The following SGK3 variants were observed in gnomAD, a reference collection of about 807,000 sequenced individuals.
SGK3 encodes the protein serine/threonine-protein kinase Sgk3.
In SGK3, 47 loss-of-function variants were observed where a neutral mutation model predicts 68.5. The ratio of observed to expected loss-of-function variants is 0.69; its 90% confidence interval spans 0.54 to 0.87. SGK3 has a LOEUF of 0.87. Among genes scored for constraint, SGK3 ranks in the 40% least tolerant of loss-of-function variants. The pLI is 0.00. For missense variants in SGK3, 479 were observed against 575.5 expected (o/e 0.83, Z 1.72); for synonymous variants, 181 against 189.1 (o/e 0.96, Z 0.35).
intron 1 of SGK3, among the ~76,000 whole-genome samples, chr8:66,773,174 C>T (rs1371871602): frequency 6.6e-6 from 1 of 152,114 alleles, no homozygotes; most frequent in Non-Finnish European, 1.5e-5. Flanking sequence ...GTCTGTCCAA[C>T]AGATGAGTAC....
chr8:66,750,922 G>T (rs186871031), intron 1 of SGK3, among the ~76,000 whole-genome samples: 1 of 149,000 alleles, frequency 6.7e-6, no homozygotes, highest in African/African-American at 2.5e-5. Context: ...TGGGAGGATT[G>T]CTTGAGCCCA....
At chr8:66,768,031 G>T (rs545639465) in intron 1 of SGK3, 11 of 683,908 alleles carry the variant, frequency 1.6e-5, no homozygotes, top group South Asian at 1.5e-4. Flanking sequence ...CTCTCAACCA[G>T]ATTTAAGTAT....
intron 1 of SGK3, among the ~76,000 whole-genome samples, chr8:66,769,292 C>T (rs1806424998): frequency 6.6e-6 from 1 of 152,142 alleles, no homozygotes; most frequent in South Asian, 2.1e-4. Context: ...GGCACAATCT[C>T]AGCTCACTGA....
chr8:66,854,593 C>G (rs1008624477), intron 16 of SGK3, among the ~76,000 whole-genome samples: 8 of 152,038 alleles, frequency 5.3e-5, no homozygotes, highest in African/African-American at 7.2e-5. Context: ...CAATGAATCA[C>G]TCTTATTAAT....
intron 4 of SGK3, among the ~76,000 whole-genome samples, chr8:66,813,041 C>T (rs968581538): frequency 2.0e-5 from 3 of 152,076 alleles, no homozygotes; most frequent in Non-Finnish European, 2.9e-5. Flanking sequence ...ATTGCTTGAG[C>T]CCAGGAGTTC....
chr8:66,820,999 C>T (rs1391913596), intron 5 of SGK3, among the ~76,000 whole-genome samples: 1 of 152,174 alleles, frequency 6.6e-6, no homozygotes, highest in Non-Finnish European at 1.5e-5. Flanking sequence ...AGCCACCACT[C>T]CTGGCTAAGG....
chr8:66,828,604 A>G, intron 6 of SGK3, 50 bp from the exon 7 acceptor site: 1 of 1,608,706 alleles, frequency 6.2e-7, no homozygotes, highest in Non-Finnish European at 8.5e-7. Flanking sequence ...ACATTAATTA[A>G]TTTTTGAAGC....
At chr8:66,825,861 A>G (rs1197117583) in intron 6 of SGK3, among the ~76,000 whole-genome samples, 1 of 152,220 alleles carries the variant, frequency 6.6e-6, no homozygotes, top group African/African-American at 2.4e-5. Context: ...TCATTTCAGA[A>G]ATGTGCTCCA....
In SGK3 at chr8:66,822,463, G is replaced by A; in HGVS notation, c.417+4G>A. On this transcript the variant is annotated splice_donor_region_variant and intron_variant, in intron 6 of 16. Coordinates refer to ENST00000521198, the MANE Select transcript of SGK3 (RefSeq NM_001033578.3). Reference sequence around the variant, plus strand: ...GGATGAAAGAAGTTCTCAGAAGGTAGTAAGAGGAATTGCCTTTCTTAATAG... The same window carrying A: ...GGATGAAAGAAGTTCTCAGAAGGTAATAAGAGGAATTGCCTTTCTTAATAG... 7 of 1,610,264 alleles carry A rather than the reference G, an allele frequency of 4.3e-6. No individual in the cohort carries two copies. Among genetic ancestry groups the A allele is most frequent in the Non-Finnish European group, 5.9e-6 (7 of 1,178,262 alleles).
chr8:66,798,577 ATG>A lies in SGK3; in HGVS notation c.133_134del (p.Trp45ValfsTer10), dbSNP rs761489864. On this transcript the variant is annotated frameshift_variant, in exon 3 of 17. Transcript: ENST00000521198. LOFTEE classifies it high-confidence loss of function. Reference protein sequence around the residue: ...KVLVSVGRSEWFVFRRYAEFD... With the variant: ...KVLVSVGRSEXFVFRRYAEFD... ...TTCTGGTTTCAGTGGGAAGAAGTGA[ATG>A]GTTTGTCTTCAGGAGATATGCAGAG... The A allele has an allele frequency of 1.2e-6, 2 of 1,611,876 alleles. No individual in the cohort carries two copies. Among genetic ancestry groups the A allele is most frequent in the African/African-American group, 1.3e-5 (1 of 74,866 alleles).
intron 1 of SGK3, among the ~76,000 whole-genome samples, chr8:66,725,332 A>G (rs1353256135): frequency 1.3e-5 from 2 of 151,440 alleles, no homozygotes; most frequent in Non-Finnish European, 2.9e-5. Flanking sequence ...ATCCCAGGAG[A>G]TGGAGGTTGT....
chr8:66,767,717 T>A, intron 1 of SGK3: 1 of 1,502,406 alleles, frequency 6.7e-7, no homozygotes, highest in Non-Finnish European at 9.3e-7. Flanking sequence ...GCTTTAACAG[T>A]CTTCTCAGTC....
rs548115178 is a variant in SGK3, at chr8:66,807,458, A to T, written c.253+3011A>T. ...GAATGCTCTTTGGTACTTTGTTTTGATGAATTAATTGACACTAAAAACTGA... is the reference window on the plus strand; with the variant it reads ...GAATGCTCTTTGGTACTTTGTTTTGTTGAATTAATTGACACTAAAAACTGA... On this transcript the variant is annotated intron_variant, in intron 4 of 16. Transcript: ENST00000521198. 1.2e-3 allele frequency among the ~76,000 whole-genome samples: 178 copies of T among 152,334 alleles called. 1 individual carries two copies. The highest frequency in any genetic ancestry group is 3.4e-3 in the Middle Eastern group (1 of 294).
intron 1 of SGK3, among the ~76,000 whole-genome samples, chr8:66,766,525 T>TATAA (rs537110238): frequency 5.3e-4 from 80 of 152,100 alleles, no homozygotes; most frequent in East Asian, 1.5e-3. Flanking sequence ...TGTCTCAAAA[T>TATAA]ATAAATAAAT....
chr8:66,760,479 T>C (rs1473088427), intron 1 of SGK3, among the ~76,000 whole-genome samples: 3 of 151,532 alleles, frequency 2.0e-5, no homozygotes, highest in Non-Finnish European at 2.9e-5. Flanking sequence ...GGACTACAGG[T>C]GCCCGCCACC....
At chr8:66,787,169 C>T (rs923740856) in intron 1 of SGK3, among the ~76,000 whole-genome samples, 22 of 152,086 alleles carry the variant, frequency 1.4e-4, no homozygotes, top group African/African-American at 4.8e-4. Context: ...GTCTTGAACT[C>T]CTGACCTCAT....
rs186779933 is a variant in SGK3 at position 66,812,097 on chromosome 8, C to A, written c.254-1756C>A. The stretch of plus-strand genomic sequence containing the variant: ...AAATGGAAATAAACCTGGAAATAAC[C>A]CATAATTTTGGTGACAAACACTATA... On this transcript the variant is annotated intron_variant, in intron 4 of 16. Coordinates refer to ENST00000521198, the MANE Select transcript of SGK3 (RefSeq NM_001033578.3). 5.3e-5 allele frequency among the ~76,000 whole-genome samples: 8 copies of A among 152,188 alleles called. No individual in the cohort carries two copies. In the East Asian group the frequency reaches 9.6e-4, roughly 18 times the overall value.
At chr8:66,794,888 G>A (rs2130577399) in intron 2 of SGK3, among the ~76,000 whole-genome samples, 1 of 152,316 alleles carries the variant, frequency 6.6e-6, no homozygotes, top group East Asian at 1.9e-4. Context: ...CATTTTGCTG[G>A]CATCCATTGC....
At chr8:66,805,461 G>T (rs1038417172) in intron 4 of SGK3, among the ~76,000 whole-genome samples, 2 of 150,952 alleles carry the variant, frequency 1.3e-5, no homozygotes, top group Non-Finnish European at 2.9e-5. Context: ...AGAGGTTGCA[G>T]TGAGCTGAGA....
Sources: allele counts gnomAD v4.1 joint callset (sites outside exome capture counted in the v4.1 genomes callset), GRCh38; gene constraint gnomAD v4.1.1; transcripts MANE v1.5; gene names NCBI Gene and HGNC (gene_info 2026-07-23, HGNC 2026-07-21).